The following DCDC1 variants were observed in gnomAD, a reference collection of about 807,000 sequenced individuals.
DCDC1 encodes doublecortin domain containing 1.
A neutral mutation model predicts 178.3 loss-of-function variants in DCDC1; 200 were observed. The ratio of observed to expected loss-of-function variants is 1.12; its 90% CI spans 1.00 to 1.26. The LOEUF (loss-of-function observed/expected upper bound fraction) is 1.26, where lower values mean the gene tolerates loss of function less well. Ranked by LOEUF, DCDC1 falls within the 50% of genes most tolerant of loss-of-function variation. The pLI is 0.00. For missense variants in DCDC1, 1,983 were observed against 1,749.2 expected, an observed-to-expected ratio of 1.13 and a Z score of -2.38; for synonymous variants, 690 against 604.8, an observed-to-expected ratio of 1.14 and a Z score of -2.07.
At chr11:31,300,648 C>G (rs1348120298) in intron 6 of DCDC1, among the ~76,000 whole-genome samples, 1 of 151,240 alleles carries the variant, frequency 6.6e-6, no homozygotes, top group Non-Finnish European at 1.5e-5. Flanking sequence ...CTAAAGCCTT[C>G]AAAAGTGAAA....
chr11:30,900,463 C>G lies in DCDC1; in HGVS notation c.4546G>C (p.Ala1516Pro), dbSNP rs1460220686. Residue 1516 changes from alanine to proline, a missense_variant, in exon 33 of 39, where the codon GCA becomes CCA. Transcript: ENST00000684477. ...AAACTATCGGATGTCACAGATTTTG[C>G]AAATAATCTGTTTTTCACTTTCATT... ...PRMKVKNRLF[A>P]KSVTSDSLDG... 6 of 1,549,062 alleles carry G rather than the reference C, an allele frequency of 3.9e-6. No homozygotes were observed. Among genetic ancestry groups the G allele is most frequent in the South Asian group, 1.3e-5 (1 of 78,912 alleles).
intron 20 of DCDC1, among the ~76,000 whole-genome samples, chr11:30,998,882 A>G (rs1158895000): frequency 1.3e-5 from 2 of 152,220 alleles, no homozygotes; most frequent in African/African-American, 4.8e-5. Flanking sequence ...GAAATCTGGC[A>G]GACACCATCT....
intron 9 of DCDC1, among the ~76,000 whole-genome samples, chr11:31,149,776 C>A (rs1039518747): frequency 6.6e-6 from 1 of 151,812 alleles, no homozygotes; most frequent in Non-Finnish European, 1.5e-5. Flanking sequence ...CAGAAGTCAG[C>A]AAGACCACGA....
chr11:31,296,663 A>C (rs1480518525), intron 6 of DCDC1, among the ~76,000 whole-genome samples: 1 of 152,194 alleles, frequency 6.6e-6, no homozygotes, highest in Non-Finnish European at 1.5e-5. Context: ...ATTTAAAAAG[A>C]GGTTTAATTG....
At chr11:31,007,754 C>A (rs1951937314) in intron 20 of DCDC1, among the ~76,000 whole-genome samples, 2 of 149,406 alleles carry the variant, frequency 1.3e-5, no homozygotes, top group Admixed American at 1.3e-4. Flanking sequence ...ACCTCCGCCT[C>A]CTGGGTTCAA....
chr11:30,926,511 G>A (rs189888790), intron 22 of DCDC1, among the ~76,000 whole-genome samples: 1 of 152,258 alleles, frequency 6.6e-6, no homozygotes, highest in Non-Finnish European at 1.5e-5. Flanking sequence ...TAGGACAGAT[G>A]TAAATAGATG....
At chr11:31,090,937 A>G (rs938053377) in intron 17 of DCDC1, among the ~76,000 whole-genome samples, 12 of 152,168 alleles carry the variant, frequency 7.9e-5, no homozygotes, top group African/African-American at 2.7e-4. Flanking sequence ...ATCTTCCTAA[A>G]TCAGAAAAAA....
chr11:30,998,108 A>G (rs1951370277), intron 20 of DCDC1, among the ~76,000 whole-genome samples: 1 of 152,082 alleles, frequency 6.6e-6, no homozygotes, highest in Non-Finnish European at 1.5e-5. Flanking sequence ...AGTCTGGGCA[A>G]CATAGTGAGA....
Position 30,922,490 on chromosome 11 carries a change from T to C in DCDC1, c.3133+13A>G. The C allele has an allele frequency of 6.6e-7, 1 of 1,510,996 alleles. No individual in the cohort carries two copies. Among genetic ancestry groups the C allele is most frequent in the South Asian group, 1.3e-5 (1 of 74,426 alleles). 93.6% of individuals were successfully genotyped at this position (1,510,996 alleles called of 1,614,324 possible). Reference sequence around the variant, plus strand: ...TGGCTGAATATATTAAGGTAAATAATTCCAATGCTTACCTTCTATTTTATG... The same window carrying C: ...TGGCTGAATATATTAAGGTAAATAACTCCAATGCTTACCTTCTATTTTATG... On this transcript the variant is annotated intron_variant, in intron 24 of 38. Transcript: ENST00000684477.
intron 38 of DCDC1, among the ~76,000 whole-genome samples, chr11:30,868,532 T>C (rs977976936): frequency 5.9e-5 from 9 of 152,062 alleles, no homozygotes; most frequent in Non-Finnish European, 8.8e-5. Context: ...ATTACAGGCA[T>C]GAGCCACCAC....
Position 31,322,430 on chromosome 11 carries a change from C to T in DCDC1, c.164+5687G>A, listed in dbSNP as rs572020652. ...TTATATGTCCATGGAAAGTATCCTA[C>T]GATCAGCTCCAGTGAGTAAATCTTC... On this transcript the variant is annotated intron_variant, in intron 3 of 38. Coordinates refer to ENST00000684477, the MANE Select transcript of DCDC1 (RefSeq NM_001387274.1). Among the ~76,000 whole-genome samples, 68 of 152,222 alleles carry T rather than the reference C, an allele frequency of 4.5e-4. 1 individual carries two copies. The highest frequency in any genetic ancestry group is 4.4e-4 in the Non-Finnish European group (30 of 68,020).
chr11:30,909,730 C>T (rs1451257387), intron 28 of DCDC1, among the ~76,000 whole-genome samples: 1 of 151,892 alleles, frequency 6.6e-6, no homozygotes, highest in East Asian at 1.9e-4. Context: ...AAAAAAGTAC[C>T]TTGTTGATAT....
intron 9 of DCDC1, among the ~76,000 whole-genome samples, chr11:31,177,049 G>C (rs183207013): frequency 5.3e-5 from 8 of 152,148 alleles, no homozygotes; most frequent in African/African-American, 1.9e-4. Context: ...TAATCACCTA[G>C]CATGAAGGTT....
intron 36 of DCDC1, among the ~76,000 whole-genome samples, chr11:30,891,540 C>G (rs955697161): frequency 2.6e-5 from 4 of 152,156 alleles, no homozygotes; most frequent in African/African-American, 9.7e-5. Context: ...GTTCTAGGTG[C>G]AATACTTAAG....
chr11:30,869,340 C>G (rs1941319384), intron 38 of DCDC1, among the ~76,000 whole-genome samples: 1 of 152,232 alleles, frequency 6.6e-6, no homozygotes, highest in Non-Finnish European at 1.5e-5. Context: ...AAAAGCTAAA[C>G]TCTGATTCAG....
intron 36 of DCDC1, among the ~76,000 whole-genome samples, chr11:30,888,915 T>C (rs1285451194): frequency 6.6e-6 from 1 of 152,206 alleles, no homozygotes; most frequent in East Asian, 1.9e-4. Flanking sequence ...TGAGTTTTGT[T>C]TTCATAGACC....
rs372541796 is a variant in DCDC1, at chr11:30,909,043, G to C, written c.3821C>G (p.Ala1274Gly). ...CTTATCCAAGGCAGTGCTATGAAAG[G>C]CCACAAGTGCTTTTATATTTTTCAT... ...HYMKNIKALV[A>G]FHSTALDKEI... The change falls in exon 29 of 39, where the codon GCC (alanine) becomes GGC (glycine). Residue 1274 changes from alanine to glycine, a missense_variant. Physicochemically the swap from Ala to Gly is moderately conservative, Grantham distance 60. Coordinates refer to ENST00000684477, the MANE Select transcript of DCDC1 (RefSeq NM_001387274.1). 4 of 1,611,874 alleles carry C rather than the reference G, an allele frequency of 2.5e-6. No homozygotes were observed. Among genetic ancestry groups the C allele is most frequent in the Non-Finnish European group, 3.4e-6 (4 of 1,178,620 alleles).
At chr11:31,110,495 G>A in intron 11 of DCDC1, 134 bp from the exon 12 acceptor site, 1 of 549,926 alleles carries the variant, frequency 1.8e-6, no homozygotes, top group South Asian at 2.6e-5. Context: ...GTGTACATGG[G>A]AATTGTGCAA....
At chr11:31,169,405 G>A (rs1341454128) in intron 9 of DCDC1, among the ~76,000 whole-genome samples, 1 of 152,122 alleles carries the variant, frequency 6.6e-6, no homozygotes, top group African/African-American at 2.4e-5. Context: ...TGGGGAAACT[G>A]GGGATATAGA....
Sources: gnomAD v4.1 joint callset for allele counts (sites outside exome capture counted in the v4.1 genomes callset) on GRCh38, gnomAD v4.1.1 for gene constraint, MANE v1.5 for transcripts, NCBI Gene and HGNC (gene_info 2026-07-23, HGNC 2026-07-21) for gene names.